The following PTGER4 variants were observed in gnomAD, a reference collection of about 807,000 sequenced individuals.
The protein encoded by PTGER4 is prostaglandin E2 receptor EP4 subtype.
PTGER4 carries 11 observed loss-of-function variants against 33.2 expected under a neutral mutation model. That is an observed-to-expected ratio of 0.33 (90% confidence interval 0.21 to 0.55). The LOEUF (loss-of-function observed/expected upper bound fraction) is 0.55. PTGER4 is among the 20% of genes least tolerant of loss of function. The pLI, the probability that PTGER4 is intolerant of heterozygous loss-of-function variation, is 0.92. For synonymous variants in PTGER4, 275 were observed against 281.5 expected (o/e 0.98, Z 0.23); for missense variants, 481 against 650.2 (o/e 0.74, Z 2.83).
At chr5:40,688,396 A>C (rs1006454692) in intron 2 of PTGER4, among the ~76,000 whole-genome samples, 1 of 152,238 alleles carries the variant, frequency 6.6e-6, no homozygotes, top group African/African-American at 2.4e-5. Flanking sequence ...GAGACCACAC[A>C]CAGGACTTGA....
At chr5:40,717,119 C>T in the PTGER4 span, among the ~76,000 whole-genome samples, 1 of 151,444 alleles carries the variant, frequency 6.6e-6, no homozygotes, top group Non-Finnish European at 1.5e-5. Context: ...ATCCCAGCTA[C>T]CCAGGAGGGT....
chr5:40,695,119 T>C (rs1315242024), downstream of PTGER4, among the ~76,000 whole-genome samples: 2 of 152,192 alleles, frequency 1.3e-5, no homozygotes, highest in Non-Finnish European at 2.9e-5. Flanking sequence ...ACTATTAAAA[T>C]GGTACTTTAG....
chr5:40,684,402 G>T (rs560582307), intron 2 of PTGER4, among the ~76,000 whole-genome samples: 1 of 151,982 alleles, frequency 6.6e-6, no homozygotes. Flanking sequence ...CTTTGGAAAG[G>T]CTAACAAAGC....
chr5:40,694,393 G>GAGTT (rs1190449819), downstream of PTGER4, among the ~76,000 whole-genome samples: 2 of 152,148 alleles, frequency 1.3e-5, no homozygotes, highest in Non-Finnish European at 2.9e-5. Flanking sequence ...TTTTTTGAGT[G>GAGTT]AGTTATATAT....
the PTGER4 span, among the ~76,000 whole-genome samples, chr5:40,742,718 G>A: frequency 1.3e-5 from 2 of 152,142 alleles, no homozygotes; most frequent in East Asian, 3.9e-4. Flanking sequence ...ACCCAGAATA[G>A]AGCAATTATT....
rs1049969608 is a variant in PTGER4 at position 40,680,213 on chromosome 5, G to T, written c.-309G>T. On this transcript the variant is annotated 5_prime_UTR_variant, in exon 1 of 3. It adds an upstream start codon to the 5' untranslated region. Transcript: ENST00000302472. The surrounding 1 kb of genome is among the most constrained non-coding windows in gnomAD (Gnocchi z 5.5). ...TGCAAAGCTGGGACTCGTCTTTGAA[G>T]GAAAAAAAATAGCGAGTAAGAAATC... 1 of 152,376 alleles carries T rather than the reference G, an allele frequency of 6.6e-6. No individual in the cohort carries two copies. Among genetic ancestry groups the T allele is most frequent in the East Asian group, 1.9e-4 (1 of 5,340 alleles). 9.4% of individuals were successfully genotyped at this position (152,376 alleles called of 1,614,324 possible).
At chr5:40,724,770 T>C in the PTGER4 span, among the ~76,000 whole-genome samples, 1 of 152,152 alleles carries the variant, frequency 6.6e-6, no homozygotes, top group Non-Finnish European at 1.5e-5. Flanking sequence ...CAAGAATTTG[T>C]ACTATTCAAT....
the PTGER4 span, among the ~76,000 whole-genome samples, chr5:40,701,761 A>T: frequency 6.6e-6 from 1 of 152,198 alleles, no homozygotes; most frequent in Non-Finnish European, 1.5e-5. Flanking sequence ...TGAAAGAAAG[A>T]ATGTTAAAGG....
At chr5:40,726,103 C>T in the PTGER4 span, among the ~76,000 whole-genome samples, 1 of 151,230 alleles carries the variant, frequency 6.6e-6, no homozygotes, top group African/African-American at 2.4e-5. Flanking sequence ...CTTATTCTCT[C>T]ATCCTTCCAC....
At chr5:40,700,013 CTCTT>C in the PTGER4 span, among the ~76,000 whole-genome samples, 7 of 152,122 alleles carry the variant, frequency 4.6e-5, no homozygotes, top group Non-Finnish European at 1.0e-4. Flanking sequence ...AAAGAAAACT[CTCTT>C]TATTCATAAA....
the PTGER4 span, among the ~76,000 whole-genome samples, chr5:40,722,723 C>G: frequency 6.6e-6 from 1 of 151,342 alleles, no homozygotes; most frequent in Non-Finnish European, 1.5e-5. Flanking sequence ...GCGCCCCGTC[C>G]GGGAGGTGGC....
At chr5:40,697,206 AAG>A (rs1452021161), downstream of PTGER4, among the ~76,000 whole-genome samples, 3 of 135,148 alleles carry the variant, frequency 2.2e-5, no homozygotes, top group Non-Finnish European at 3.2e-5. Flanking sequence ...AAAAGAAAGA[AAG>A]AAAGAAAAAG....
At position 40,693,273 on chromosome 5, in the gene PTGER4, G is replaced by A. The variant is rs1741516949; in HGVS notation, c.*895G>A. ...TTTAAAAACATAACATAAATTTTTT[G>A]AAGTCTTTAATAAATAACCCATAAT... On this transcript the variant is annotated 3_prime_UTR_variant, in exon 3 of 3. Coordinates refer to ENST00000302472, the MANE Select transcript of PTGER4 (RefSeq NM_000958.3). 1 of 977,138 alleles carries A rather than the reference G, an allele frequency of 1.0e-6. No homozygotes were observed. Among genetic ancestry groups the A allele is most frequent in the Non-Finnish European group, 1.2e-6 (1 of 822,448 alleles). 60.5% of individuals were successfully genotyped at this position (977,138 alleles called of 1,614,324 possible). A position where few individuals can be genotyped will look rare whatever the true frequency, so the allele number is the denominator to read the frequency against.
chr5:40,726,001 G>A, the PTGER4 span, among the ~76,000 whole-genome samples: 2 of 151,538 alleles, frequency 1.3e-5, no homozygotes, highest in East Asian at 1.9e-4. Flanking sequence ...TAGCCAGGAT[G>A]GTCTCAATCT....
the PTGER4 span, among the ~76,000 whole-genome samples, chr5:40,699,278 G>C: frequency 4.6e-5 from 7 of 151,466 alleles, no homozygotes; most frequent in African/African-American, 1.7e-4. Flanking sequence ...GACTTTTTTG[G>C]ATCCTGATTT....
At chr5:40,736,419 CACAT>C in the PTGER4 span, among the ~76,000 whole-genome samples, 1 of 152,164 alleles carries the variant, frequency 6.6e-6, no homozygotes, top group African/African-American at 2.4e-5. Context: ...CTGCTTCATA[CACAT>C]ACAACTGATT....
chr5:40,680,957 C>A lies in PTGER4; in HGVS notation c.-37C>A, dbSNP rs1741168477. 1 of 1,572,696 alleles carries A rather than the reference C, an allele frequency of 6.4e-7. No homozygotes were observed. Among genetic ancestry groups the A allele is most frequent in the African/African-American group, 1.3e-5 (1 of 74,284 alleles). Reference sequence around the variant, plus strand: ...TCTCTTCTACCATCCCCAGACCCAGCCTTGCACTCCAAGGCTGCGCACCGC... The same window carrying A: ...TCTCTTCTACCATCCCCAGACCCAGACTTGCACTCCAAGGCTGCGCACCGC... On this transcript the variant is annotated 5_prime_UTR_variant, in exon 2 of 3. Transcript: ENST00000302472. The surrounding 1 kb of genome is among the most constrained non-coding windows in gnomAD (Gnocchi z 5.5).
the PTGER4 span, among the ~76,000 whole-genome samples, chr5:40,734,216 A>C: frequency 6.6e-6 from 1 of 152,220 alleles, no homozygotes; most frequent in African/African-American, 2.4e-5. Context: ...GGGTGGCACC[A>C]CTTAGTTCCT....
the PTGER4 span, among the ~76,000 whole-genome samples, chr5:40,738,620 CCAGA>C: frequency 7.3e-6 from 1 of 136,712 alleles, no homozygotes; most frequent in South Asian, 2.4e-4. Flanking sequence ...AGTGAAACAA[CCAGA>C]CAGTTTGCCA....
Sources: allele counts gnomAD v4.1 joint callset (sites outside exome capture counted in the v4.1 genomes callset), GRCh38; gene constraint gnomAD v4.1.1; non-coding constraint Gnocchi (gnomAD v3.1); transcripts MANE v1.5; gene names NCBI Gene and HGNC (gene_info 2026-07-23, HGNC 2026-07-21).